The following MTRF1 variants were observed in gnomAD, a reference collection of about 807,000 sequenced individuals.
The protein encoded by MTRF1 is peptide chain release factor 1, mitochondrial.
A neutral mutation model predicts 62.9 loss-of-function variants in MTRF1; 51 were observed. The ratio of observed to expected loss-of-function variants is 0.81; its 90% CI spans 0.65 to 1.02. The LOEUF is 1.02. Among genes scored for constraint, MTRF1 ranks in the 50% least tolerant of loss-of-function variants. MTRF1 has a pLI of 0.00. For synonymous variants in MTRF1, 158 were observed against 181.9 expected (o/e 0.87, Z 1.06); for missense variants, 446 against 530.0 (o/e 0.84, Z 1.56).
intron 5 of MTRF1, 102 bp from the exon 6 acceptor site, chr13:41,240,535 T>G: frequency 9.4e-7 from 1 of 1,060,410 alleles, no homozygotes; most frequent in Non-Finnish European, 1.3e-6. Flanking sequence ...GTACAGAGCC[T>G]AAGATGAGAA....
chr13:41,303,865 T>A, the MTRF1 span, among the ~76,000 whole-genome samples: 7 of 152,328 alleles, frequency 4.6e-5, no homozygotes, highest in East Asian at 1.3e-3. Flanking sequence ...GAAAACTAAT[T>A]GTTTAAATCA....
At chr13:41,294,858 G>A in the MTRF1 span, among the ~76,000 whole-genome samples, 1 of 152,162 alleles carries the variant, frequency 6.6e-6, no homozygotes, top group Non-Finnish European at 1.5e-5. Flanking sequence ...TAAAGATTGA[G>A]CTTTGATATT....
At chr13:41,240,494 A>G (rs150072323) in intron 5 of MTRF1, 61 bp from the exon 6 acceptor site, 50 of 1,501,858 alleles carry the variant, frequency 3.3e-5, no homozygotes, top group Admixed American at 1.2e-4. Flanking sequence ...TCAGGATCCT[A>G]AATGTCCTTA....
intron 9 of MTRF1, among the ~76,000 whole-genome samples, chr13:41,219,380 C>T (rs1270426144): frequency 6.6e-6 from 1 of 152,070 alleles, no homozygotes; most frequent in Non-Finnish European, 1.5e-5. Flanking sequence ...AGGATTATCC[C>T]TCTACTGGGA....
chr13:41,280,347 C>T, the MTRF1 span, among the ~76,000 whole-genome samples: 1 of 152,134 alleles, frequency 6.6e-6, no homozygotes, highest in African/African-American at 2.4e-5. Context: ...CTTGGAAGCC[C>T]CCCGGCTTAG....
chr13:41,302,688 C>G, the MTRF1 span, among the ~76,000 whole-genome samples: 1,107 of 151,968 alleles, frequency 7.3e-3, 17 homozygotes, highest in African/African-American at 0.025. Context: ...CACCACCACG[C>G]CTGGCTAAAC....
chr13:41,249,619 C>CTTTTTTTTTTTTTTT (rs1166204914), intron 5 of MTRF1, among the ~76,000 whole-genome samples: 10 of 61,532 alleles, frequency 1.6e-4, no homozygotes, highest in South Asian at 7.9e-4. Context: ...ATTTTTTTTT[C>CTTTTTTTTTTTTTTT]TTTTTTTTTT....
the MTRF1 span, among the ~76,000 whole-genome samples, chr13:41,299,198 GA>G: frequency 5.8e-5 from 8 of 138,560 alleles, no homozygotes; most frequent in East Asian, 2.0e-4. Flanking sequence ...ATCTAAAAAA[GA>G]AAAAAAAAAG....
chr13:41,247,466 A>G (rs1387464068), intron 5 of MTRF1, among the ~76,000 whole-genome samples: 2 of 152,330 alleles, frequency 1.3e-5, no homozygotes, highest in East Asian at 3.9e-4. Flanking sequence ...CACATCTGGT[A>G]TAGCAGCTGC....
the MTRF1 span, among the ~76,000 whole-genome samples, chr13:41,288,641 T>C: frequency 6.6e-6 from 1 of 152,210 alleles, no homozygotes; most frequent in Non-Finnish European, 1.5e-5. Flanking sequence ...CCATTTGGTA[T>C]TGGAATACAC....
At chr13:41,263,897 C>A (rs894265123), upstream of MTRF1, among the ~76,000 whole-genome samples, 3 of 152,118 alleles carry the variant, frequency 2.0e-5, no homozygotes, top group Non-Finnish European at 2.9e-5. Context: ...GTTTACCTTG[C>A]GGCAGCCTCC....
chr13:41,250,383 C>T (rs527848901), intron 5 of MTRF1, among the ~76,000 whole-genome samples: 24 of 152,326 alleles, frequency 1.6e-4, no homozygotes, highest in African/African-American at 5.8e-4. Flanking sequence ...GACTCTCCCT[C>T]ACTTATTCTC....
intron 5 of MTRF1, among the ~76,000 whole-genome samples, chr13:41,241,441 C>A (rs1163483393): frequency 6.6e-6 from 1 of 152,106 alleles, no homozygotes; most frequent in Non-Finnish European, 1.5e-5. Context: ...GGTTTAGAGT[C>A]CACCACTCAG....
At chr13:41,296,951 C>A in the MTRF1 span, among the ~76,000 whole-genome samples, 3 of 152,072 alleles carry the variant, frequency 2.0e-5, no homozygotes, top group Non-Finnish European at 2.9e-5. Context: ...GTTTTGAATT[C>A]TTCTCTAAAC....
At chr13:41,227,464 A>G (rs1445412525) in intron 7 of MTRF1, among the ~76,000 whole-genome samples, 2 of 152,024 alleles carry the variant, frequency 1.3e-5, no homozygotes, top group East Asian at 3.9e-4. Flanking sequence ...AATACATCTA[A>G]CCTCACACAA....
chr13:41,269,394 T>C, the MTRF1 span, among the ~76,000 whole-genome samples: 1 of 151,816 alleles, frequency 6.6e-6, no homozygotes. Context: ...GAGACAGGGT[T>C]TCACCATGTT....
intron 9 of MTRF1, among the ~76,000 whole-genome samples, chr13:41,220,239 A>G (rs2032989088): frequency 6.9e-6 from 1 of 144,756 alleles, no homozygotes; most frequent in Non-Finnish European, 1.5e-5. Context: ...CTGAGGCAGG[A>G]GAATCACTTG....
At chr13:41,266,809 G>A (rs546692178), upstream of MTRF1, among the ~76,000 whole-genome samples, 47 of 151,928 alleles carry the variant, frequency 3.1e-4, no homozygotes, top group African/African-American at 1.0e-3. Context: ...TGGCTAACAC[G>A]GTGAAACCCC....
the MTRF1 span, among the ~76,000 whole-genome samples, chr13:41,270,422 T>A: frequency 0.046 from 6,937 of 152,306 alleles, 231 homozygotes; most frequent in Middle Eastern, 0.092. Context: ...TGAAACATTG[T>A]GTACATAACA....
Sources: allele counts gnomAD v4.1 joint callset (sites outside exome capture counted in the v4.1 genomes callset), GRCh38; gene constraint gnomAD v4.1.1; transcripts MANE v1.5; gene names NCBI Gene and HGNC (gene_info 2026-07-23, HGNC 2026-07-21).